Variants in SLIT3 observed in about 807,000 individuals in gnomAD.
SLIT3 encodes slit guidance ligand 3, also known as slit homolog 3 protein.
SLIT3 carries 68 observed loss-of-function variants against 184.0 expected under a neutral mutation model. That is an observed-to-expected ratio of 0.37 (90% CI 0.30 to 0.45). SLIT3 has a LOEUF of 0.45. Among genes scored for constraint, SLIT3 ranks in the 20% least tolerant of loss-of-function variants. The pLI, the probability that SLIT3 is intolerant of heterozygous loss-of-function variation, is 1.00. For synonymous variants in SLIT3, 831 were observed against 828.6 expected (o/e 1.00, Z -0.05); for missense variants, 1,707 against 2,026.0 (o/e 0.84, Z 3.02).
intron 4 of SLIT3, among the ~76,000 whole-genome samples, chr5:169,034,766 CAG>C (rs1413747697): frequency 6.8e-6 from 1 of 147,118 alleles, no homozygotes; most frequent in African/African-American, 2.5e-5. Flanking sequence ...TTTTTTGAGA[CAG>C]AGTCTTGCTC....
intron 4 of SLIT3, among the ~76,000 whole-genome samples, chr5:169,140,649 A>C (rs1761697635): frequency 6.6e-6 from 1 of 151,996 alleles, no homozygotes; most frequent in African/African-American, 2.4e-5. Context: ...ACAAAGAGAG[A>C]AAAAAGTAGC....
intron 5 of SLIT3, among the ~76,000 whole-genome samples, chr5:168,882,650 C>T (rs556393519): frequency 5.3e-5 from 8 of 152,172 alleles, no homozygotes; most frequent in South Asian, 4.2e-4. Context: ...AACTAGTATA[C>T]GGACTTGTCT....
In SLIT3 at chr5:169,042,636, C is replaced by T. The variant is rs537766784; in HGVS notation, c.413+150843G>A. Among the ~76,000 whole-genome samples the T allele has an allele frequency of 1.6e-4, 25 of 152,302 alleles. No homozygotes were observed. The South Asian group carries it at 4.4e-3, about 27-fold the overall frequency. ...GAAATCAGCCCTGTTCTCCCAGGAG[C>T]CACTAGCTCCTTTGACTCAGAGACC... is the stretch of plus-strand genomic sequence containing the variant. On this transcript the variant is annotated intron_variant, in intron 4 of 35. Coordinates refer to ENST00000519560, the MANE Select transcript of SLIT3 (RefSeq NM_003062.4).
At chr5:168,877,864 A>T (rs962553102) in intron 5 of SLIT3, among the ~76,000 whole-genome samples, 9 of 71,182 alleles carry the variant, frequency 1.3e-4, no homozygotes, top group Non-Finnish European at 1.9e-4. Flanking sequence ...GGGGACATTT[A>T]AAAAAAAACA....
At position 168,806,380 on chromosome 5, in the gene SLIT3, T is replaced by C. The variant is rs1431953418; in HGVS notation, c.935+66A>G. On this transcript the variant is annotated intron_variant, in intron 9 of 35. Transcript: ENST00000519560. The stretch of plus-strand genomic sequence containing the variant: ...CACACGCTGATGGCCTAGTGGGTGA[T>C]GGGCTGGGACAGGGAGCTGAATTCT... 9 of 1,582,460 alleles carry C rather than the reference T, an allele frequency of 5.7e-6. No individual in the cohort carries two copies. The East Asian group carries it at 1.8e-4, about 32-fold the overall frequency.
At chr5:168,944,119 A>G (rs1220433144) in intron 4 of SLIT3, among the ~76,000 whole-genome samples, 1 of 152,202 alleles carries the variant, frequency 6.6e-6, no homozygotes, top group Non-Finnish European at 1.5e-5. Flanking sequence ...TAGAATGGCC[A>G]CATGTCAAAG....
intron 20 of SLIT3, among the ~76,000 whole-genome samples, chr5:168,730,148 C>A (rs1282519439): frequency 6.6e-6 from 1 of 151,126 alleles, no homozygotes; most frequent in Non-Finnish European, 1.5e-5. Flanking sequence ...TAGATAATGA[C>A]AAAGGGAACA....
At chr5:168,698,826 C>T (rs1762133707) in intron 27 of SLIT3, among the ~76,000 whole-genome samples, 1 of 152,170 alleles carries the variant, frequency 6.6e-6, no homozygotes, top group Non-Finnish European at 1.5e-5. Context: ...TTTCCCTGAT[C>T]CTGTAGATCT....
chr5:168,875,601 C>T (rs2113775238), intron 5 of SLIT3, among the ~76,000 whole-genome samples: 1 of 151,140 alleles, frequency 6.6e-6, no homozygotes, highest in South Asian at 2.1e-4. Flanking sequence ...GCCACTGCAC[C>T]CCGGCCTGGG....
At chr5:168,855,163 T>A (rs906595684) in intron 5 of SLIT3, among the ~76,000 whole-genome samples, 4 of 152,158 alleles carry the variant, frequency 2.6e-5, no homozygotes, top group African/African-American at 9.7e-5. Context: ...TAGGATCACA[T>A]GAGATTCCAC....
chr5:169,188,281 T>G (rs1763428096), intron 4 of SLIT3, among the ~76,000 whole-genome samples: 1 of 152,242 alleles, frequency 6.6e-6, no homozygotes, highest in African/African-American at 2.4e-5. Context: ...TTAATCACTG[T>G]CTGCATCTTG....
chr5:168,728,623 A>G (rs4256365), intron 20 of SLIT3, among the ~76,000 whole-genome samples: 6,285 of 152,256 alleles, frequency 0.041, 486 homozygotes, highest in Admixed American at 0.19. Context: ...ATCTTAAAAA[A>G]AATAAAAAAG....
intron 4 of SLIT3, among the ~76,000 whole-genome samples, chr5:169,111,728 G>A (rs1171016136): frequency 6.6e-6 from 1 of 152,138 alleles, no homozygotes; most frequent in Non-Finnish European, 1.5e-5. Context: ...TTTCAGCCTG[G>A]ACAACAAGAG....
At chr5:169,251,942 G>A (rs544189075) in intron 1 of SLIT3, among the ~76,000 whole-genome samples, 6 of 152,100 alleles carry the variant, frequency 3.9e-5, no homozygotes, top group East Asian at 3.9e-4. Context: ...CCATCTCACC[G>A]CCACAAAAAC....
intron 4 of SLIT3, among the ~76,000 whole-genome samples, chr5:169,054,647 T>C (rs1757927067): frequency 6.6e-6 from 1 of 152,152 alleles, no homozygotes; most frequent in Non-Finnish European, 1.5e-5. Flanking sequence ...AGCTCCTTAA[T>C]ATTACAAAGG....
intron 1 of SLIT3, among the ~76,000 whole-genome samples, chr5:169,256,378 G>A (rs1765959875): frequency 6.6e-6 from 1 of 152,166 alleles, no homozygotes; most frequent in Non-Finnish European, 1.5e-5. Context: ...GTATTCAGTG[G>A]AGTAACCTGC....
chr5:168,902,143 G>T (rs1238339089), intron 4 of SLIT3, among the ~76,000 whole-genome samples: 1 of 152,080 alleles, frequency 6.6e-6, no homozygotes, highest in African/African-American at 2.4e-5. Flanking sequence ...GCCCGCCTTG[G>T]CCTCCCAAAG....
chr5:168,713,760 G>A (rs1465777474), intron 23 of SLIT3, among the ~76,000 whole-genome samples: 1 of 152,248 alleles, frequency 6.6e-6, no homozygotes, highest in African/African-American at 2.4e-5. Context: ...CTCACACTGA[G>A]TGAGCTTTGG....
At chr5:169,081,531 G>A (rs1759056681) in intron 4 of SLIT3, among the ~76,000 whole-genome samples, 1 of 152,184 alleles carries the variant, frequency 6.6e-6, no homozygotes, top group East Asian at 1.9e-4. Flanking sequence ...TTTATGGCAT[G>A]TTTTGGAGCA....
Sources: gnomAD v4.1 joint callset for allele counts (sites outside exome capture counted in the v4.1 genomes callset) on GRCh38, gnomAD v4.1.1 for gene constraint, MANE v1.5 for transcripts, NCBI Gene and HGNC (gene_info 2026-07-23, HGNC 2026-07-21) for gene names.